DIS3: variants seen among roughly 807,000 people sequenced by gnomAD.
DIS3 encodes the protein DIS3 exosome endoribonuclease and 3'-5' exoribonuclease, also known as exosome complex exonuclease RRP44.
DIS3 carries 103 observed loss-of-function variants against 113.0 expected under a neutral mutation model. The ratio of observed to expected loss-of-function variants is 0.91; its 90% CI spans 0.78 to 1.07. DIS3 has a LOEUF of 1.07. Ranked by LOEUF, DIS3 falls within the 50% of genes least tolerant of loss-of-function variation. The probability of loss-of-function intolerance (pLI) is 0.00; values close to 1 mark genes in which losing one functional copy is unlikely to be tolerated. For synonymous variants in DIS3, 402 were observed against 394.3 expected (o/e 1.02, Z -0.23); for missense variants, 1,121 against 1,167.1 (o/e 0.96, Z 0.58).
chr13:72,770,957 G>C lies in DIS3; in HGVS notation c.1702C>G (p.His568Asp), dbSNP rs759251654. 1.3e-5 allele frequency: 21 copies of C among 1,600,330 alleles called. No individual in the cohort carries two copies. The highest frequency in any genetic ancestry group is 1.6e-5 in the Non-Finnish European group (19 of 1,172,532). ...TTCGTTTTTAAGATTTCAGCATTGT[G>C]ATTCATTTCCCAAATACATGAAAAT... ...LAFSCIWEMN[H>D]NAEILKTKFT... The change falls in exon 13 of 21, where the codon CAC (histidine) becomes GAC (aspartate). Residue 568 changes from histidine (H) to aspartate (D), a missense_variant. Around this residue, in one of 3 missense-constraint regions of DIS3, gnomAD observed 861 missense variants for 915.5 expected, o/e 0.94. Transcript: ENST00000377767.
At chr13:72,769,859 C>T (rs2033844161) in intron 13 of DIS3, among the ~76,000 whole-genome samples, 1 of 152,100 alleles carries the variant, frequency 6.6e-6, no homozygotes. Context: ...ACAGGTTAAG[C>T]TTGGAAAACA....
In DIS3 at chr13:72,781,691, G is replaced by A. The variant is rs924622127; in HGVS notation, c.142C>T (p.Leu48=). 3.2e-6 allele frequency: 5 copies of A among 1,557,386 alleles called. No homozygotes were observed. Among genetic ancestry groups the A allele is most frequent in the African/African-American group, 2.7e-5 (2 of 73,386 alleles). Residue 48 remains leucine (L), a synonymous_variant, in exon 1 of 21, where the codon CTG becomes TTG. Transcript: ENST00000377767. ...ACGGAHEGPA[L]EPQPQDPASS... is the part of the protein sequence containing the mutation. Reference sequence around the variant, plus strand: ...GCCGGGTCCTGGGGCTGCGGCTCCAGGGCCGGCCCCTCGTGCGCCCCTCCA... The same window carrying A: ...GCCGGGTCCTGGGGCTGCGGCTCCAAGGCCGGCCCCTCGTGCGCCCCTCCA...
In DIS3 at chr13:72,770,989, C is replaced by T; in HGVS notation, c.1671-1G>A. 6.2e-7 allele frequency: 1 copy of T among 1,603,248 alleles called. No individual in the cohort carries two copies. Among genetic ancestry groups the T allele is most frequent in the Non-Finnish European group, 8.5e-7 (1 of 1,174,450 alleles). On this transcript the variant is annotated splice_acceptor_variant, in intron 12 of 20. Transcript: ENST00000377767. LOFTEE classifies it high-confidence loss of function. ...TTCCCAAATACATGAAAATGCCAGC[C>T]TGTGAAGGAAAATACAGAGTATTTG...
At chr13:72,773,646 T>C (rs2033937463) in intron 8 of DIS3, 38 bp downstream of exon 8, 2 of 1,573,312 alleles carry the variant, frequency 1.3e-6, no homozygotes, top group Non-Finnish European at 1.7e-6. Context: ...AAAATTTTAA[T>C]TAAACATCCC....
intron 3 of DIS3, among the ~76,000 whole-genome samples, chr13:72,777,896 C>T (rs963517392): frequency 2.6e-5 from 4 of 151,972 alleles, no homozygotes; most frequent in Admixed American, 2.6e-4. Flanking sequence ...AAAAACAAAA[C>T]CCAAAAATCT....
intron 19 of DIS3, among the ~76,000 whole-genome samples, chr13:72,761,075 T>G (rs542501942): frequency 6.6e-6 from 1 of 151,830 alleles, no homozygotes; most frequent in African/African-American, 2.4e-5. Flanking sequence ...CTTCCCCGAG[T>G]TATAAAGAGT....
rs752615495 is a variant in DIS3 at position 72,770,942 on chromosome 13, A to T, written c.1717T>A (p.Leu573Ile). 2 of 1,608,212 alleles carry T rather than the reference A, an allele frequency of 1.2e-6. No individual in the cohort carries two copies. The highest frequency in any genetic ancestry group is 1.7e-6 in the Non-Finnish European group (2 of 1,177,020). The change falls in exon 13 of 21, where the codon TTA becomes ATA. Residue 573 changes from leucine (L) to isoleucine (I), a missense_variant. Transcript: ENST00000377767. ...ACACTTTTGGTAAACTTCGTTTTTA[A>T]GATTTCAGCATTGTGATTCATTTCC... ...IWEMNHNAEI[L>I]KTKFTKSVIN...
chr13:72,773,094 T>C (rs2033925060), intron 8 of DIS3, among the ~76,000 whole-genome samples: 2 of 152,216 alleles, frequency 1.3e-5, no homozygotes, highest in Non-Finnish European at 2.9e-5. Flanking sequence ...GCTTCCAATA[T>C]AATCTTTTCA....
At chr13:72,769,916 G>C (rs1035570508) in intron 13 of DIS3, among the ~76,000 whole-genome samples, 1 of 152,106 alleles carries the variant, frequency 6.6e-6, no homozygotes, top group Admixed American at 6.5e-5. Context: ...GAAAGATGTA[G>C]GGCAAAATAA....
Position 72,761,385 on chromosome 13 carries a change from G to C in DIS3, c.2648C>G (p.Pro883Arg). The C allele has an allele frequency of 1.2e-5, 19 of 1,604,378 alleles. No homozygotes were observed. Among genetic ancestry groups the C allele is most frequent in the Non-Finnish European group, 1.6e-5 (19 of 1,177,802 alleles). ...VFFEEKDKPN[P>R]QLIYDDEIPS... is the part of the protein sequence containing the mutation. ...TACCTCATCATCATAAATAAGCTGT[G>C]GGTTTGGTTTGTCCTTTTCTTCAAA... is the stretch of plus-strand genomic sequence containing the variant. The change falls in exon 19 of 21, where the codon CCA becomes CGA. Residue 883 changes from proline to arginine, a missense_variant. Physicochemically the swap from Pro to Arg is moderately radical, Grantham distance 103. Coordinates refer to ENST00000377767, the MANE Select transcript of DIS3 (RefSeq NM_014953.5).
At chr13:72,778,669 T>C (rs949942545) in intron 2 of DIS3, among the ~76,000 whole-genome samples, 10 of 152,192 alleles carry the variant, frequency 6.6e-5, no homozygotes, top group African/African-American at 2.4e-4. Flanking sequence ...GAATTTATAC[T>C]TTAGGTTGAG....
chr13:72,779,951 T>C (rs2034114729), intron 2 of DIS3, among the ~76,000 whole-genome samples: 1 of 152,210 alleles, frequency 6.6e-6, no homozygotes, highest in Non-Finnish European at 1.5e-5. Context: ...AGATTATTTA[T>C]GTAATATAAC....
rs1334817388 is a variant in DIS3 at position 72,755,644 on chromosome 13, T to A, written c.*4151A>T. ...GAACATACAGATGAATTATAACCTATGTGAAGAAATCTTAGATATAAAACT... is the reference window on the plus strand; with the variant it reads ...GAACATACAGATGAATTATAACCTAAGTGAAGAAATCTTAGATATAAAACT... On this transcript the variant is annotated 3_prime_UTR_variant, in exon 21 of 21. Transcript: ENST00000377767. 2.7e-6 allele frequency: 1 copy of A among 377,156 alleles called. No individual in the cohort carries two copies. Among genetic ancestry groups the A allele is most frequent in the East Asian group, 3.8e-5 (1 of 26,082 alleles). The allele number at this position is 377,156 out of a possible 1,614,324, so 23.4% of individuals were successfully genotyped here. A position where few individuals can be genotyped will look rare whatever the true frequency, so the allele number is the denominator to read the frequency against.
At chr13:72,776,309 C>T (rs1240860288) in intron 4 of DIS3, among the ~76,000 whole-genome samples, 1 of 151,942 alleles carries the variant, frequency 6.6e-6, no homozygotes, top group Non-Finnish European at 1.5e-5. Context: ...ATATGGTAGC[C>T]ACTAGACACA....
chr13:72,769,325 C>T (rs1285012852), intron 13 of DIS3, among the ~76,000 whole-genome samples: 1 of 151,974 alleles, frequency 6.6e-6, no homozygotes. Flanking sequence ...CTGCAGGAGT[C>T]GAGACACCAT....
At position 72,777,582 on chromosome 13, in the gene DIS3, G is replaced by A. The variant is rs2034047551; in HGVS notation, c.581-89C>T. ...TAGTCTTGTTTGCGACAGTATACAC[G>A]TCATTCTTTCATTCATTGAGACACA... On this transcript the variant is annotated intron_variant, in intron 3 of 20. Transcript: ENST00000377767. The A allele has an allele frequency of 1.4e-5, 15 of 1,096,978 alleles. 1 individual carries two copies. Among genetic ancestry groups the A allele is most frequent in the Middle Eastern group, 2.4e-4 (1 of 4,220 alleles). The allele number at this position is 1,096,978 out of a possible 1,614,324, so 68.0% of individuals were successfully genotyped here.
At chr13:72,765,555 T>A (rs1307280336) in intron 15 of DIS3, among the ~76,000 whole-genome samples, 1 of 152,150 alleles carries the variant, frequency 6.6e-6, no homozygotes, top group Non-Finnish European at 1.5e-5. Context: ...ACAATAGGAC[T>A]GGCGCTCCAA....
intron 13 of DIS3, among the ~76,000 whole-genome samples, chr13:72,769,420 C>T (rs780627818): frequency 2.1e-4 from 32 of 150,996 alleles, no homozygotes; most frequent in Non-Finnish European, 4.4e-4. Context: ...AAGTAATCCC[C>T]AATGAAAAAT....
chr13:72,775,186 A>T, intron 6 of DIS3, 25 bp downstream of exon 6: 1 of 1,579,870 alleles, frequency 6.3e-7, no homozygotes, highest in Non-Finnish European at 8.6e-7. Flanking sequence ...ACACAGACAA[A>T]AAAAAATCCT....
Sources: gnomAD v4.1 joint callset for allele counts (sites outside exome capture counted in the v4.1 genomes callset) on GRCh38, gnomAD v4.1.1 for gene constraint, gnomAD v4.1.1 regional missense constraint, MANE v1.5 for transcripts, NCBI Gene and HGNC (gene_info 2026-07-23, HGNC 2026-07-21) for gene names.